The following SSPN variants were observed in gnomAD, a reference collection of about 807,000 sequenced individuals.
SSPN encodes K-ras oncogene-associated protein.
A neutral mutation model predicts 19.1 loss-of-function variants in SSPN; 15 were observed. That is an observed-to-expected ratio of 0.78 (90% CI 0.52 to 1.21). The LOEUF is 1.21. Among genes scored for constraint, SSPN ranks in the 50% most tolerant of loss-of-function variants. The probability of loss-of-function intolerance (pLI) is 0.00; values close to 1 mark genes in which losing one functional copy is unlikely to be tolerated. For missense variants in SSPN, 291 were observed against 314.0 expected (o/e 0.93, Z 0.55); for synonymous variants, 147 against 140.3 (o/e 1.05, Z -0.34).
chr12:26,221,446 C>T (rs1945119494), intron 1 of SSPN, among the ~76,000 whole-genome samples: 1 of 152,188 alleles, frequency 6.6e-6, no homozygotes, highest in Non-Finnish European at 1.5e-5. Flanking sequence ...TGCCATCTCT[C>T]ATTTCCCAGG....
intron 1 of SSPN, among the ~76,000 whole-genome samples, chr12:26,161,107 CAAAAA>C (rs35876807): frequency 2.0e-5 from 2 of 97,930 alleles, no homozygotes; most frequent in Non-Finnish European, 4.1e-5. Context: ...GACTCTGTCT[CAAAAA>C]AAAAAAAAAA....
At chr12:26,139,690 A>G (rs939977540) in intron 1 of SSPN, among the ~76,000 whole-genome samples, 4 of 152,242 alleles carry the variant, frequency 2.6e-5, no homozygotes, top group Admixed American at 2.6e-4. Flanking sequence ...GTAAATAGTA[A>G]GATAATAGTA....
intron 1 of SSPN, among the ~76,000 whole-genome samples, chr12:26,175,316 C>T (rs898811666): frequency 1.3e-5 from 2 of 152,162 alleles, no homozygotes; most frequent in Admixed American, 6.5e-5. Context: ...AACATTTTCT[C>T]AGGTGCTTAT....
intron 2 of SSPN, 47 bp downstream of exon 2, chr12:26,224,426 T>G: frequency 6.8e-7 from 1 of 1,480,128 alleles, no homozygotes; most frequent in Non-Finnish European, 9.4e-7. Flanking sequence ...TAGAAAGAAA[T>G]CCAAGTACAA....
rs1944316485 is a variant in SSPN at position 26,122,361 on chromosome 12, A to T, written c.-31+209A>T. ...GGGGATGCCGGGGTATAGCAGCGGGAACGGGGCGGCAGCCGCCGCCGGGTA... is the reference window on the plus strand; with the variant it reads ...GGGGATGCCGGGGTATAGCAGCGGGTACGGGGCGGCAGCCGCCGCCGGGTA... On this transcript the variant is annotated intron_variant, in intron 1 of 2. Transcript: ENST00000538142. The T allele has an allele frequency of 2.6e-6, 3 of 1,161,080 alleles. No homozygotes were observed. In the South Asian group the frequency reaches 1.2e-4, roughly 47 times the overall value. 71.9% of individuals were successfully genotyped at this position (1,161,080 alleles called of 1,614,324 possible).
chr12:26,220,493 C>T (rs1945108552), intron 1 of SSPN, among the ~76,000 whole-genome samples: 1 of 152,170 alleles, frequency 6.6e-6, no homozygotes, highest in Non-Finnish European at 1.5e-5. Context: ...GAGATGCTTT[C>T]TGTTCAAAAA....
intron 1 of SSPN, among the ~76,000 whole-genome samples, chr12:26,205,086 T>C (rs1201721432): frequency 6.6e-6 from 1 of 152,214 alleles, no homozygotes; most frequent in Non-Finnish European, 1.5e-5. Flanking sequence ...AGACAGTTTG[T>C]TCACAAATGA....
chr12:26,163,409 T>A (rs1166799401), intron 1 of SSPN, among the ~76,000 whole-genome samples: 1 of 152,208 alleles, frequency 6.6e-6, no homozygotes, highest in Non-Finnish European at 1.5e-5. Context: ...TGTTTTAGTC[T>A]GTTTGTGCTG....
intron 1 of SSPN, among the ~76,000 whole-genome samples, chr12:26,130,867 G>A (rs1272058145): frequency 6.7e-6 from 1 of 150,310 alleles, no homozygotes; most frequent in Non-Finnish European, 1.5e-5. Flanking sequence ...ATGAAAGGGT[G>A]CCTGCCAACT....
At chr12:26,227,026 A>G (rs1945185076) in intron 2 of SSPN, among the ~76,000 whole-genome samples, 1 of 152,018 alleles carries the variant, frequency 6.6e-6, no homozygotes, top group Non-Finnish European at 1.5e-5. Context: ...CGCCGGGCTG[A>G]TGGGCTGACA....
intron 1 of SSPN, among the ~76,000 whole-genome samples, chr12:26,208,425 T>A (rs1944951261): frequency 6.6e-6 from 1 of 152,220 alleles, no homozygotes; most frequent in Non-Finnish European, 1.5e-5. Context: ...ATTCAAAAAA[T>A]ATTTTCTATG....
At chr12:26,161,928 C>T (rs1450824145) in intron 1 of SSPN, among the ~76,000 whole-genome samples, 1 of 152,206 alleles carries the variant, frequency 6.6e-6, no homozygotes, top group Admixed American at 6.5e-5. Flanking sequence ...AGCCGCTCAC[C>T]CCATGCTGTG....
chr12:26,136,782 G>A (rs577073495), intron 1 of SSPN, among the ~76,000 whole-genome samples: 3 of 152,266 alleles, frequency 2.0e-5, no homozygotes, highest in South Asian at 4.1e-4. Context: ...ATGGTACTTC[G>A]TGTGCTACTT....
upstream of SSPN, among the ~76,000 whole-genome samples, chr12:26,190,766 T>C (rs574540204): frequency 1.1e-4 from 16 of 152,172 alleles, no homozygotes; most frequent in Non-Finnish European, 2.1e-4. Flanking sequence ...TTTATTACAC[T>C]TTTAAAAATT....
At chr12:26,182,130 G>A (rs934258945) in intron 1 of SSPN, among the ~76,000 whole-genome samples, 5 of 152,206 alleles carry the variant, frequency 3.3e-5, no homozygotes, top group African/African-American at 4.8e-5. Flanking sequence ...TCCTGGATTT[G>A]AGTCCAGCAC....
chr12:26,166,629 G>T (rs1005974022), intron 1 of SSPN, among the ~76,000 whole-genome samples: 8 of 152,186 alleles, frequency 5.3e-5, no homozygotes, highest in African/African-American at 1.9e-4. Context: ...ATGACACATT[G>T]GAAACTAAAC....
At chr12:26,163,896 G>A (rs1944604875) in intron 1 of SSPN, among the ~76,000 whole-genome samples, 1 of 152,190 alleles carries the variant, frequency 6.6e-6, no homozygotes, top group Non-Finnish European at 1.5e-5. Flanking sequence ...ACTCCACTGT[G>A]CTAAACAGTA....
chr12:26,154,938 C>A (rs1028110192), intron 1 of SSPN, among the ~76,000 whole-genome samples: 1 of 152,036 alleles, frequency 6.6e-6, no homozygotes, highest in Admixed American at 6.6e-5. Context: ...GGAAGCTGGG[C>A]ATGACAGTGT....
intron 1 of SSPN, among the ~76,000 whole-genome samples, chr12:26,183,956 G>A (rs2137444739): frequency 6.6e-6 from 1 of 152,330 alleles, no homozygotes; most frequent in Middle Eastern, 3.4e-3. Context: ...GCTCCAGAGA[G>A]CCATAAGCCT....
Sources: allele counts gnomAD v4.1 joint callset (sites outside exome capture counted in the v4.1 genomes callset), GRCh38; gene constraint gnomAD v4.1.1; transcripts MANE v1.5; gene names NCBI Gene and HGNC (gene_info 2026-07-23, HGNC 2026-07-21).